DRC3: variants seen among roughly 807,000 people sequenced by gnomAD.
The protein encoded by DRC3 is dynein regulatory complex subunit 3, also known as leucine rich repeat containing 48.
In DRC3, 45 loss-of-function variants were observed where a neutral mutation model predicts 57.6. The ratio of observed to expected loss-of-function variants is 0.78; its 90% CI spans 0.62 to 1.00. DRC3 has a LOEUF of 1.00. DRC3 is among the 50% of genes least tolerant of loss of function. The probability of loss-of-function intolerance (pLI) is 0.00; values close to 1 mark genes in which losing one functional copy is unlikely to be tolerated. For missense variants in DRC3, 655 were observed against 675.2 expected (o/e 0.97, Z 0.33); for synonymous variants, 257 against 272.3 (o/e 0.94, Z 0.55).
At chr17:18,004,144 G>T (rs2043859090) in intron 9 of DRC3, among the ~76,000 whole-genome samples, 1 of 152,134 alleles carries the variant, frequency 6.6e-6, no homozygotes, top group Non-Finnish European at 1.5e-5. Context: ...TGTGTCAAGG[G>T]TAGGGGCTAT....
Position 18,016,878 on chromosome 17 carries a change from A to G in DRC3, c.*207A>G, listed in dbSNP as rs1340022829. 3 of 410,670 alleles carry G rather than the reference A, an allele frequency of 7.3e-6. No individual in the cohort carries two copies. Among genetic ancestry groups the G allele is most frequent in the Non-Finnish European group, 1.3e-5 (3 of 229,852 alleles). 25.4% of individuals were successfully genotyped at this position (410,670 alleles called of 1,614,324 possible). ...TTTCACATTTCCCCTACTCATAAAA[A>G]AAAAAAAAAAATCAGCTGGGTGCGG... On this transcript the variant is annotated 3_prime_UTR_variant, in exon 14 of 14. Coordinates refer to ENST00000399187, the MANE Select transcript of DRC3 (RefSeq NM_031294.4).
intron 3 of DRC3, among the ~76,000 whole-genome samples, chr17:17,982,149 C>G (rs926041813): frequency 6.6e-6 from 1 of 152,058 alleles, no homozygotes; most frequent in Non-Finnish European, 1.5e-5. Context: ...CGTGTCACCA[C>G]GCCCAACTAA....
chr17:18,009,587 G>C (rs1363949000), intron 12 of DRC3, among the ~76,000 whole-genome samples: 1 of 152,134 alleles, frequency 6.6e-6, no homozygotes, highest in Non-Finnish European at 1.5e-5. Flanking sequence ...AGAGATGAAG[G>C]TAACCTGCCC....
chr17:18,007,413 T>C (rs762493339), intron 12 of DRC3: 6 of 1,551,452 alleles, frequency 3.9e-6, no homozygotes, highest in Non-Finnish European at 2.6e-6. Flanking sequence ...TTTCCAAAAG[T>C]TCAATTATGT....
intron 10 of DRC3, chr17:18,005,372 C>CT (rs1374504073): frequency 6.6e-6 from 1 of 152,258 alleles, no homozygotes; most frequent in Non-Finnish European, 1.5e-5. Context: ...GAGGTGCTCA[C>CT]TCTGCAGACA....
chr17:17,988,059 G>A lies in DRC3; in HGVS notation c.405G>A (p.Val135=), dbSNP rs538404789. ...TGGACGCCCTCGTCAAGCTGCAGGTGTTGTCGCTGGGCAACAACCGGATTG... is the reference window on the plus strand; with the variant it reads ...TGGACGCCCTCGTCAAGCTGCAGGTATTGTCGCTGGGCAACAACCGGATTG... The part of the protein sequence containing the change: ...DSLDALVKLQ[V]LSLGNNRIDN... The change falls in exon 5 of 14, where the codon GTG becomes GTA. Residue 135 remains valine, a synonymous_variant. Transcript: ENST00000399187. The A allele has an allele frequency of 2.5e-6, 4 of 1,613,962 alleles. No homozygotes were observed. The highest frequency in any genetic ancestry group is 3.3e-5 in the Admixed American group (2 of 60,024).
Position 17,988,009 on chromosome 17 carries a change from A to G in DRC3, c.355A>G (p.Asn119Asp). The change falls in exon 5 of 14, where the codon AAC (asparagine) becomes GAC (aspartate). Residue 119 changes from asparagine (N) to aspartate (D), a missense_variant. Coordinates refer to ENST00000399187, the MANE Select transcript of DRC3 (RefSeq NM_031294.4). ...VNLEDLSLFN[N>D]RISKIDSLDA... ...CCTGGAGGACCTGAGCTTGTTCAAC[A>G]ACCGGATCTCCAAGATCGACTCCCT... 6.2e-7 allele frequency: 1 copy of G among 1,614,004 alleles called. No individual in the cohort carries two copies. The highest frequency in any genetic ancestry group is 8.5e-7 in the Non-Finnish European group (1 of 1,179,888).
chr17:17,997,741 C>A (rs1378405721), intron 9 of DRC3, 107 bp downstream of exon 9: 1 of 1,053,598 alleles, frequency 9.5e-7, no homozygotes, highest in Non-Finnish European at 1.3e-6. Flanking sequence ...CTCTGATGAC[C>A]CCTGAGGCCA....
chr17:18,010,709 G>C (rs1345501725), intron 12 of DRC3: 1 of 170,590 alleles, frequency 5.9e-6, no homozygotes, highest in East Asian at 1.8e-4. Context: ...TGGAAGCTTT[G>C]TCAGCAGCTT....
intron 12 of DRC3, among the ~76,000 whole-genome samples, chr17:18,012,730 A>G (rs575550677): frequency 3.3e-5 from 5 of 152,182 alleles, no homozygotes; most frequent in Admixed American, 1.3e-4. Context: ...AGAAGAAAAC[A>G]AGAGAAATGC....
intron 3 of DRC3, among the ~76,000 whole-genome samples, chr17:17,979,116 T>G: frequency 6.6e-6 from 1 of 152,084 alleles, no homozygotes; most frequent in Non-Finnish European, 1.5e-5. Flanking sequence ...TAGCAACAAC[T>G]TGAGGTAGGC....
At chr17:18,009,130 A>G (rs1276981008) in intron 12 of DRC3, among the ~76,000 whole-genome samples, 1 of 152,238 alleles carries the variant, frequency 6.6e-6, no homozygotes, top group African/African-American at 2.4e-5. Context: ...CTCAGGAGGA[A>G]AAAGTATGCT....
intron 9 of DRC3, among the ~76,000 whole-genome samples, chr17:17,999,002 C>T (rs2043577740): frequency 6.6e-6 from 1 of 152,214 alleles, no homozygotes; most frequent in African/African-American, 2.4e-5. Context: ...CAGGTCATGT[C>T]TCCAGTCCCG....
intron 12 of DRC3, among the ~76,000 whole-genome samples, chr17:18,014,556 A>G (rs1177508045): frequency 2.6e-5 from 4 of 152,258 alleles, no homozygotes; most frequent in African/African-American, 4.8e-5. Context: ...ACAGTTTTTC[A>G]TAACCAATTC....
At chr17:17,974,745 G>C (rs1412372060) in intron 2 of DRC3, among the ~76,000 whole-genome samples, 2 of 151,892 alleles carry the variant, frequency 1.3e-5, no homozygotes, top group African/African-American at 4.8e-5. Flanking sequence ...GCCAGGCCAG[G>C]TGCCCCTAAT....
At position 17,988,439 on chromosome 17, in the gene DRC3, TGTG is replaced by T. The variant is rs1479513272; in HGVS notation, c.444+344_444+346del. 5 of 275,288 alleles carry T rather than the reference TGTG, an allele frequency of 1.8e-5. No individual in the cohort carries two copies. The East Asian group carries it at 4.1e-4, about 23-fold the overall frequency. 17.1% of individuals were successfully genotyped at this position (275,288 alleles called of 1,614,324 possible). On this transcript the variant is annotated intron_variant, in intron 5 of 13. Coordinates refer to ENST00000399187, the MANE Select transcript of DRC3 (RefSeq NM_031294.4). ...TCACTGGGAACAGAGACAGACGAGA[TGTG>T]GTCCCTTTGGAGTGACCAGCACACA...
At chr17:18,016,036 T>G in intron 12 of DRC3, 28 bp from the exon 13 acceptor site, 2 of 1,611,202 alleles carry the variant, frequency 1.2e-6, no homozygotes, top group Non-Finnish European at 1.7e-6. Context: ...GACACACACT[T>G]TCTCATTGGA....
At chr17:17,986,265 C>G (rs2042952699) in intron 4 of DRC3, among the ~76,000 whole-genome samples, 1 of 152,080 alleles carries the variant, frequency 6.6e-6, no homozygotes, top group Non-Finnish European at 1.5e-5. Context: ...ACCATGAGGC[C>G]CATTTGAATC....
At chr17:17,982,962 C>T (rs1436331485) in intron 3 of DRC3, among the ~76,000 whole-genome samples, 3 of 152,186 alleles carry the variant, frequency 2.0e-5, no homozygotes, top group Admixed American at 6.5e-5. Context: ...CAGAGCTGTA[C>T]GTGGCTTCTG....
Sources: allele counts gnomAD v4.1 joint callset (sites outside exome capture counted in the v4.1 genomes callset), GRCh38; gene constraint gnomAD v4.1.1; transcripts MANE v1.5; gene names NCBI Gene and HGNC (gene_info 2026-07-23, HGNC 2026-07-21).